The following DENND4C variants were observed in gnomAD, a reference collection of about 807,000 sequenced individuals.
DENND4C encodes the protein DENN domain-containing protein 4C.
DENND4C carries 108 observed loss-of-function variants against 203.0 expected under a neutral mutation model. The observed-to-expected ratio is 0.53, with a 90% confidence interval of 0.46 to 0.62. The LOEUF (loss-of-function observed/expected upper bound fraction) is 0.62. Ranked by LOEUF, DENND4C falls within the 20% of genes least tolerant of loss-of-function variation. The pLI is 0.00. For synonymous variants in DENND4C, 871 were observed against 792.4 expected (o/e 1.10, Z -1.67); for missense variants, 2,481 against 2,301.2 (o/e 1.08, Z -1.60).
Position 19,336,665 on chromosome 9 carries a change from TGC to T in DENND4C, c.2735-20_2735-19del, listed in dbSNP as rs1450549118. On this transcript the variant is annotated intron_variant, in intron 19 of 32. Coordinates refer to ENST00000434457, the MANE Select transcript of DENND4C (RefSeq NM_001330640.2). ...ATTATCAATGCATGAGTTATTGAAC[TGC>T]TATTGTCCTTATCTTTAGCTCTTCA... 2.6e-6 allele frequency: 4 copies of T among 1,545,310 alleles called. No homozygotes were observed. Among genetic ancestry groups the T allele is most frequent in the Middle Eastern group, 1.7e-4 (1 of 5,988 alleles).
In DENND4C at chr9:19,335,140, T is replaced by A. The variant is rs778799026; in HGVS notation, c.2589+35T>A. On this transcript the variant is annotated intron_variant, in intron 18 of 32. Coordinates refer to ENST00000434457, the MANE Select transcript of DENND4C (RefSeq NM_001330640.2). Reference sequence around the variant, plus strand: ...ATCGACATTAGGCAAGATGTGGTGTTTATTAAGAATGATTATTTTGTATAC... The same window carrying A: ...ATCGACATTAGGCAAGATGTGGTGTATATTAAGAATGATTATTTTGTATAC... 94 of 1,419,798 alleles carry A rather than the reference T, an allele frequency of 6.6e-5. 1 individual carries two copies. The highest frequency in any genetic ancestry group is 1.7e-5 in the Non-Finnish European group (18 of 1,073,808). 88.0% of individuals were successfully genotyped at this position (1,419,798 alleles called of 1,614,324 possible). A position where few individuals can be genotyped will look rare whatever the true frequency, so the allele number is the denominator to read the frequency against.
intron 17 of DENND4C, 73 bp downstream of exon 17, chr9:19,332,257 G>A: frequency 7.1e-7 from 1 of 1,398,900 alleles, no homozygotes; most frequent in African/African-American, 1.4e-5. Flanking sequence ...TTGGGTGTAA[G>A]TTGCTTTAAA....
At chr9:19,270,306 G>T (rs771033333) in intron 1 of DENND4C, among the ~76,000 whole-genome samples, 13 of 152,102 alleles carry the variant, frequency 8.5e-5, no homozygotes, top group Non-Finnish European at 1.3e-4. Context: ...TTTATTCAGC[G>T]GGTTGTGAAT....
chr9:19,286,733 T>C, intron 2 of DENND4C, 36 bp from the exon 3 acceptor site: 4 of 1,225,658 alleles, frequency 3.3e-6, no homozygotes, highest in Middle Eastern at 3.1e-4. Context: ...TGTATGTATA[T>C]ATCTATATCT....
At chr9:19,246,633 T>G (rs1207179793) in intron 1 of DENND4C, among the ~76,000 whole-genome samples, 1 of 152,156 alleles carries the variant, frequency 6.6e-6, no homozygotes, top group Non-Finnish European at 1.5e-5. Context: ...GACCACTTTT[T>G]TTTTTTTAAG....
chr9:19,248,859 A>G (rs1588735318), intron 1 of DENND4C, among the ~76,000 whole-genome samples: 1 of 150,736 alleles, frequency 6.6e-6, no homozygotes, highest in Admixed American at 6.6e-5. Context: ...GTGTAGTGGC[A>G]CGATCTCAGC....
In DENND4C at chr9:19,350,838, G is replaced by T; in HGVS notation, c.4454G>T (p.Ser1485Ile). 1 of 1,614,064 alleles carries T rather than the reference G, an allele frequency of 6.2e-7. No homozygotes were observed. Among genetic ancestry groups the T allele is most frequent in the East Asian group, 2.2e-5 (1 of 44,876 alleles). Reference protein sequence around the residue: ...LTQSNTSLGSSSSSGDVGKLH... With the variant: ...LTQSNTSLGSISSSGDVGKLH... ...CAGAGCAACACAAGTCTTGGCAGTA[G>T]CAGCAGTAGTGGAGATGTAGGAAAA... Residue 1485 changes from serine (S) to isoleucine (I), a missense_variant, in exon 24 of 33, where the codon AGC becomes ATC. Transcript: ENST00000434457.
intron 22 of DENND4C, 59 bp downstream of exon 22, chr9:19,342,838 T>A (rs1208453672): frequency 6.9e-6 from 9 of 1,299,656 alleles, no homozygotes; most frequent in African/African-American, 3.0e-5. Flanking sequence ...GACTCATATG[T>A]GTCTTTAATG....
At chr9:19,349,765 A>G (rs1341984357) in intron 23 of DENND4C, among the ~76,000 whole-genome samples, 1 of 152,234 alleles carries the variant, frequency 6.6e-6, no homozygotes, top group Non-Finnish European at 1.5e-5. Flanking sequence ...ATAATAGTAT[A>G]TCAGTAAAAC....
chr9:19,254,206 A>G (rs1263195369), intron 1 of DENND4C, among the ~76,000 whole-genome samples: 3 of 152,214 alleles, frequency 2.0e-5, no homozygotes, highest in African/African-American at 4.8e-5. Flanking sequence ...AAATAGAACT[A>G]CTGTACAATT....
At position 19,234,552 on chromosome 9, in the gene DENND4C, T is replaced by TTTTA. The variant is rs397764386; in HGVS notation, c.-18+3719_-18+3720insTTTA. Among the ~76,000 whole-genome samples, 7 of 146,294 alleles carry TTTTA rather than the reference T, an allele frequency of 4.8e-5. No individual in the cohort carries two copies. In the South Asian group the frequency reaches 1.1e-3, roughly 23 times the overall value. On this transcript the variant is annotated intron_variant, in intron 1 of 32. Transcript: ENST00000434457. ...GCTGTTTTTTTTTTTTTTTTTTTTT[T>TTTTA]AACACGGTCTCACTTTGTCACCTAG... is the stretch of plus-strand genomic sequence containing the variant.
chr9:19,315,914 C>T (rs1054912652), intron 10 of DENND4C, among the ~76,000 whole-genome samples: 3 of 152,068 alleles, frequency 2.0e-5, no homozygotes, highest in Non-Finnish European at 4.4e-5. Context: ...CCATGTTGGC[C>T]AGGCTGGTCT....
intron 1 of DENND4C, among the ~76,000 whole-genome samples, chr9:19,254,074 C>G (rs1032840017): frequency 9.9e-5 from 15 of 151,950 alleles, no homozygotes; most frequent in African/African-American, 3.1e-4. Flanking sequence ...TCTTCAAAAG[C>G]TTTTGTTAAT....
At chr9:19,242,499 A>G (rs927676532) in intron 1 of DENND4C, among the ~76,000 whole-genome samples, 1 of 152,206 alleles carries the variant, frequency 6.6e-6, no homozygotes, top group Non-Finnish European at 1.5e-5. Context: ...AGAAACTGCC[A>G]AACTGCCTTC....
At chr9:19,370,713 G>A (rs1368257095) in intron 31 of DENND4C, among the ~76,000 whole-genome samples, 1 of 152,206 alleles carries the variant, frequency 6.6e-6, no homozygotes, top group Non-Finnish European at 1.5e-5. Flanking sequence ...CAAAGGATAT[G>A]GAGTTATTGT....
At chr9:19,340,212 A>C (rs1821303905) in intron 20 of DENND4C, among the ~76,000 whole-genome samples, 1 of 152,164 alleles carries the variant, frequency 6.6e-6, no homozygotes. Flanking sequence ...CCTAAGCTAG[A>C]AAATACGTGT....
chr9:19,265,242 C>G (rs975268290), intron 1 of DENND4C, among the ~76,000 whole-genome samples: 14 of 152,042 alleles, frequency 9.2e-5, no homozygotes, highest in African/African-American at 3.4e-4. Flanking sequence ...GTCTCGCACT[C>G]TGGGGCTCAA....
intron 6 of DENND4C, among the ~76,000 whole-genome samples, chr9:19,297,684 A>T (rs1837745213): frequency 6.6e-6 from 1 of 152,186 alleles, no homozygotes; most frequent in Non-Finnish European, 1.5e-5. Context: ...TAGAGGAGTA[A>T]ATCTGGGATT....
intron 9 of DENND4C, among the ~76,000 whole-genome samples, chr9:19,302,608 G>A (rs1838810239): frequency 1.3e-5 from 2 of 152,164 alleles, no homozygotes. Flanking sequence ...AGTGATAGTT[G>A]CAGGTGTAAC....
Sources: gnomAD v4.1 joint callset for allele counts (sites outside exome capture counted in the v4.1 genomes callset) on GRCh38, gnomAD v4.1.1 for gene constraint, MANE v1.5 for transcripts, NCBI Gene and HGNC (gene_info 2026-07-23, HGNC 2026-07-21) for gene names.